Variants in PTCHD4 observed in about 807,000 individuals in gnomAD.
The protein encoded by PTCHD4 is patched domain-containing protein 4.
In PTCHD4, 33 loss-of-function variants were observed where a neutral mutation model predicts 58.1. That is an observed-to-expected ratio of 0.57 (90% CI 0.43 to 0.76). The LOEUF is 0.76. PTCHD4 is among the 30% of genes least tolerant of loss of function. PTCHD4 has a pLI of 0.00. For missense variants in PTCHD4, 1,058 were observed against 1,027.1 expected (o/e 1.03, Z -0.41); for synonymous variants, 478 against 409.6 (o/e 1.17, Z -2.02).
At chr6:47,939,187 G>A (rs1424381638) in intron 4 of PTCHD4, among the ~76,000 whole-genome samples, 1 of 152,198 alleles carries the variant, frequency 6.6e-6, no homozygotes, top group East Asian at 1.9e-4. Context: ...CACCAAGGAA[G>A]TGGACTATCC....
chr6:47,956,247 G>A (rs1443640624), intron 4 of PTCHD4, among the ~76,000 whole-genome samples: 1 of 152,068 alleles, frequency 6.6e-6, no homozygotes, highest in Non-Finnish European at 1.5e-5. Context: ...CTAATATTTA[G>A]TCAGTGCTTA....
rs1397081669 is a variant in PTCHD4, at chr6:47,878,607, T to C, written c.2228A>G (p.Gln743Arg). Residue 743 changes from glutamine to arginine, a missense_variant, in exon 5 of 5, where the codon CAA becomes CGA. By Grantham distance (43) the Gln-to-Arg change is conservative. Transcript: ENST00000339488. ...FVLATEHTRTQCIKSSLQDHG... is the reference protein window; with the variant it reads ...FVLATEHTRTRCIKSSLQDHG... ...GTCTTGCAAGGAGCTTTTTATACAT[T>C]GTGTTCGGGTGTGCTCAGTTGCTAA... is the stretch of plus-strand genomic sequence containing the variant. The C allele has an allele frequency of 1.2e-6, 2 of 1,613,468 alleles. No individual in the cohort carries two copies. Among genetic ancestry groups the C allele is most frequent in the East Asian group, 2.2e-5 (1 of 44,842 alleles).
chr6:47,932,169 C>T (rs1170917804), intron 4 of PTCHD4, among the ~76,000 whole-genome samples: 2 of 152,178 alleles, frequency 1.3e-5, no homozygotes, highest in Non-Finnish European at 2.9e-5. Context: ...AACATCAACT[C>T]TGTAGCCAGC....
rs1763398429 is a variant in PTCHD4, at chr6:47,860,463, A to C, written c.*17840T>G. ...TAAGACACATGATCTGATTTTGTTT[A>C]GTAATCTACATCATTGCTTATCCCA... is the stretch of plus-strand genomic sequence containing the variant. On this transcript the variant is annotated 3_prime_UTR_variant, in exon 5 of 5. Transcript: ENST00000339488. 6.6e-6 allele frequency among the ~76,000 whole-genome samples: 1 copy of C among 152,048 alleles called. No individual in the cohort carries two copies. The highest frequency in any genetic ancestry group is 6.6e-5 in the Admixed American group (1 of 15,256).
intron 4 of PTCHD4, among the ~76,000 whole-genome samples, chr6:47,973,220 T>C (rs1473021724): frequency 6.6e-6 from 1 of 152,218 alleles, no homozygotes; most frequent in African/African-American, 2.4e-5. Context: ...CAAAGATACA[T>C]GTGTATGTGT....
intron 4 of PTCHD4, among the ~76,000 whole-genome samples, chr6:47,977,521 C>T (rs139240974): frequency 4.7e-4 from 72 of 152,278 alleles, no homozygotes; most frequent in African/African-American, 1.5e-3. Context: ...ACTGAGTGAG[C>T]TTGGAAAGGA....
rs1390902320 is a variant in PTCHD4, at chr6:47,876,290, C to T, written c.*2013G>A. 2.0e-5 allele frequency among the ~76,000 whole-genome samples: 3 copies of T among 151,848 alleles called. No homozygotes were observed. On this transcript the variant is annotated 3_prime_UTR_variant, in exon 5 of 5. Transcript: ENST00000339488. ...CCCTATGATTATGGGCAATAATTTT[C>T]CCCACTCAAATCTATAGATATTGCA... is the stretch of plus-strand genomic sequence containing the variant.
Position 47,863,015 on chromosome 6 carries a change from A to T in PTCHD4, c.*15288T>A, listed in dbSNP as rs932110744. Among the ~76,000 whole-genome samples the T allele has an allele frequency of 6.6e-6, 1 of 151,934 alleles. No individual in the cohort carries two copies. The highest frequency in any genetic ancestry group is 1.5e-5 in the Non-Finnish European group (1 of 67,880). ...GCTTCATTTTGCCAGTGTTGAAGCCATTTTAATTTCAAGTAGCATTTCGTG... is the reference window on the plus strand; with the variant it reads ...GCTTCATTTTGCCAGTGTTGAAGCCTTTTTAATTTCAAGTAGCATTTCGTG... On this transcript the variant is annotated 3_prime_UTR_variant, in exon 5 of 5. Coordinates refer to ENST00000339488, the MANE Select transcript of PTCHD4 (RefSeq NM_001384253.1).
intron 4 of PTCHD4, among the ~76,000 whole-genome samples, chr6:47,882,846 A>C (rs184315798): frequency 2.4e-4 from 35 of 148,764 alleles, no homozygotes; most frequent in Admixed American, 1.5e-3. Context: ...TTTTCTCAAG[A>C]TATGTTCTAT....
chr6:48,066,705 T>C (rs1450078646), intron 3 of PTCHD4, among the ~76,000 whole-genome samples: 1 of 152,180 alleles, frequency 6.6e-6, no homozygotes, highest in African/African-American at 2.4e-5. Context: ...ATAAATCATC[T>C]GTTTCGTTTC....
intron 4 of PTCHD4, among the ~76,000 whole-genome samples, chr6:47,903,096 G>C (rs544285424): frequency 6.6e-6 from 1 of 152,272 alleles, no homozygotes; most frequent in Admixed American, 6.5e-5. Flanking sequence ...AGATAGTTTA[G>C]AAGGAAAGAA....
intron 4 of PTCHD4, among the ~76,000 whole-genome samples, chr6:47,893,250 C>T (rs566798452): frequency 6.6e-6 from 1 of 152,264 alleles, no homozygotes; most frequent in Admixed American, 6.5e-5. Flanking sequence ...ACCTCATGAT[C>T]TGTCCACCTC....
At chr6:48,090,605 A>G (rs1447996950) in intron 1 of PTCHD4, among the ~76,000 whole-genome samples, 1 of 152,190 alleles carries the variant, frequency 6.6e-6, no homozygotes, top group Non-Finnish European at 1.5e-5. Context: ...CAGAAGGGGT[A>G]AAATAACTGT....
At chr6:47,996,193 C>T (rs191640302) in intron 4 of PTCHD4, among the ~76,000 whole-genome samples, 294 of 152,134 alleles carry the variant, frequency 1.9e-3, no homozygotes, top group African/African-American at 6.8e-3. Context: ...AGTGGCTGGG[C>T]GCGGTGGCTC....
At chr6:48,092,721 T>G (rs568821515) in intron 1 of PTCHD4, among the ~76,000 whole-genome samples, 9 of 152,254 alleles carry the variant, frequency 5.9e-5, no homozygotes, top group Non-Finnish European at 1.0e-4. Context: ...AGGTTTAGCA[T>G]AAAACGTCAT....
At chr6:48,093,123 C>T (rs1311748277) in intron 1 of PTCHD4, among the ~76,000 whole-genome samples, 3 of 152,158 alleles carry the variant, frequency 2.0e-5, no homozygotes, top group Admixed American at 2.0e-4. Flanking sequence ...AACCTTTCAT[C>T]TTTGAGTCTT....
intron 4 of PTCHD4, among the ~76,000 whole-genome samples, chr6:47,995,548 T>A (rs1390020438): frequency 6.6e-6 from 1 of 152,196 alleles, no homozygotes; most frequent in Admixed American, 6.5e-5. Context: ...ACATGCTTAA[T>A]GGGATTCCTT....
At chr6:48,097,618 G>A (rs1023083319) in intron 1 of PTCHD4, among the ~76,000 whole-genome samples, 1 of 152,076 alleles carries the variant, frequency 6.6e-6, no homozygotes, top group Admixed American at 6.6e-5. Flanking sequence ...AATCAGCAAG[G>A]TTTCACTGAC....
At chr6:48,001,690 T>C (rs1561999763) in intron 4 of PTCHD4, among the ~76,000 whole-genome samples, 1 of 152,172 alleles carries the variant, frequency 6.6e-6, no homozygotes, top group Non-Finnish European at 1.5e-5. Context: ...ATTCAGGACA[T>C]AGGCATGGGC....
Sources: gnomAD v4.1 joint callset for allele counts (sites outside exome capture counted in the v4.1 genomes callset) on GRCh38, gnomAD v4.1.1 for gene constraint, MANE v1.5 for transcripts, NCBI Gene and HGNC (gene_info 2026-07-23, HGNC 2026-07-21) for gene names.